Variants in NEGR1 observed in about 807,000 individuals in gnomAD.
The protein encoded by NEGR1 is IgLON family member 4.
Under a neutral mutation model 40.9 loss-of-function variants are expected in NEGR1, and 10 were observed. The ratio of observed to expected loss-of-function variants is 0.24; its 90% CI spans 0.15 to 0.42. The LOEUF (loss-of-function observed/expected upper bound fraction) is 0.42. Among genes scored for constraint, NEGR1 ranks in the 10% least tolerant of loss-of-function variants. The pLI is 1.00. For synonymous variants in NEGR1, 185 were observed against 166.8 expected, an observed-to-expected ratio of 1.11 and a Z score of -0.84; for missense variants, 352 against 438.9, an observed-to-expected ratio of 0.80 and a Z score of 1.77.
intron 1 of NEGR1, chr1:72,274,678 CTGAAAAAACCCAT>C (rs761791229): frequency 5.3e-5 from 50 of 941,026 alleles, no homozygotes; most frequent in Non-Finnish European, 8.3e-5. Context: ...TACCTATATG[CTGAAAAAACCCAT>C]TGAAGAAATC....
intron 4 of NEGR1, among the ~76,000 whole-genome samples, chr1:71,624,498 G>A (rs1475639474): frequency 1.3e-5 from 2 of 152,016 alleles, no homozygotes; most frequent in Non-Finnish European, 2.9e-5. Context: ...TCATTACAAT[G>A]GTTTATAAGT....
chr1:71,719,472 G>T (rs1177889360), intron 3 of NEGR1, among the ~76,000 whole-genome samples: 6 of 152,092 alleles, frequency 3.9e-5, no homozygotes, highest in Middle Eastern at 6.8e-3. Flanking sequence ...ATTCTTGGTG[G>T]ATCTAGAATT....
intron 1 of NEGR1, among the ~76,000 whole-genome samples, chr1:72,074,032 G>A (rs539886543): frequency 2.0e-5 from 3 of 152,016 alleles, no homozygotes; most frequent in Non-Finnish European, 4.4e-5. Context: ...TCAATTCTAT[G>A]ATACGCTATT....
intron 6 of NEGR1, among the ~76,000 whole-genome samples, chr1:71,472,241 T>A (rs750099175): frequency 1.3e-5 from 2 of 152,146 alleles, no homozygotes; most frequent in Non-Finnish European, 2.9e-5. Flanking sequence ...TGGAACGGTA[T>A]TGATTGAAAT....
At chr1:72,090,320 T>G (rs1648422750) in intron 1 of NEGR1, among the ~76,000 whole-genome samples, 1 of 148,508 alleles carries the variant, frequency 6.7e-6, no homozygotes, top group Admixed American at 6.7e-5. Flanking sequence ...CAGAAAAATA[T>G]CTAAAATTTT....
At chr1:71,532,805 G>A (rs1647395656) in intron 6 of NEGR1, among the ~76,000 whole-genome samples, 1 of 151,606 alleles carries the variant, frequency 6.6e-6, no homozygotes, top group Non-Finnish European at 1.5e-5. Flanking sequence ...ATAATGATGA[G>A]AAGGTCTTGT....
At chr1:71,633,852 T>C (rs1651055136) in intron 4 of NEGR1, among the ~76,000 whole-genome samples, 2 of 152,072 alleles carry the variant, frequency 1.3e-5, no homozygotes. Flanking sequence ...TGTGGAGTTA[T>C]TATCTTTTTT....
intron 1 of NEGR1, among the ~76,000 whole-genome samples, chr1:72,015,932 T>C (rs897150551): frequency 6.6e-5 from 10 of 152,064 alleles, no homozygotes; most frequent in Non-Finnish European, 1.3e-4. Flanking sequence ...GTCCTAAACA[T>C]GAACGCAAAT....
At chr1:72,206,548 C>T (rs1257229338) in intron 1 of NEGR1, among the ~76,000 whole-genome samples, 1 of 150,882 alleles carries the variant, frequency 6.6e-6, no homozygotes, top group African/African-American at 2.4e-5. Flanking sequence ...CTAACCTTGA[C>T]ATTGTACTTT....
At chr1:72,034,857 CG>C (rs1203022636) in intron 1 of NEGR1, among the ~76,000 whole-genome samples, 1 of 151,874 alleles carries the variant, frequency 6.6e-6, no homozygotes, top group Non-Finnish European at 1.5e-5. Context: ...ACCATTTTTT[CG>C]CTAACAGGAA....
intron 6 of NEGR1, chr1:71,468,809 C>T (rs942592785): frequency 6.6e-6 from 1 of 151,920 alleles, no homozygotes; most frequent in Non-Finnish European, 1.5e-5. Context: ...TTCCATTGGC[C>T]TGTATATGCA....
intron 1 of NEGR1, among the ~76,000 whole-genome samples, chr1:72,212,895 C>T (rs745355163): frequency 1.3e-5 from 2 of 151,622 alleles, no homozygotes; most frequent in African/African-American, 2.4e-5. Context: ...AGGAGATCAC[C>T]CTATGTGTCA....
intron 1 of NEGR1, among the ~76,000 whole-genome samples, chr1:72,109,053 C>A (rs1376476811): frequency 6.6e-6 from 1 of 151,504 alleles, no homozygotes; most frequent in East Asian, 1.9e-4. Flanking sequence ...AGGTGTAATT[C>A]TATTACCTTA....
At chr1:71,531,092 T>G (rs1410798643) in intron 6 of NEGR1, among the ~76,000 whole-genome samples, 1 of 151,268 alleles carries the variant, frequency 6.6e-6, no homozygotes. Flanking sequence ...TTAAGTAACC[T>G]GACTTGAATT....
intron 1 of NEGR1, among the ~76,000 whole-genome samples, chr1:72,147,621 C>T (rs79086124): frequency 0.034 from 5,216 of 152,120 alleles, 314 homozygotes; most frequent in African/African-American, 0.12. Flanking sequence ...CTTAGTATTT[C>T]AGCATTAATC....
intron 1 of NEGR1, among the ~76,000 whole-genome samples, chr1:72,088,874 A>T (rs1648341837): frequency 7.0e-6 from 1 of 142,554 alleles, no homozygotes. Context: ...TCAGTGGTGC[A>T]ATCTCAGCTC....
chr1:71,758,282 AATT>A (rs1457142081), intron 3 of NEGR1, among the ~76,000 whole-genome samples: 1 of 152,084 alleles, frequency 6.6e-6, no homozygotes, highest in Non-Finnish European at 1.5e-5. Context: ...GAGTATAAAT[AATT>A]ATTAGTTTTA....
At chr1:71,796,882 A>C (rs561094089) in intron 2 of NEGR1, among the ~76,000 whole-genome samples, 1 of 152,258 alleles carries the variant, frequency 6.6e-6, no homozygotes, top group Admixed American at 6.5e-5. Flanking sequence ...GCTCAGAAAG[A>C]CTTTTTAAAA....
At chr1:71,733,846 A>T (rs1169961508) in intron 3 of NEGR1, among the ~76,000 whole-genome samples, 2 of 152,166 alleles carry the variant, frequency 1.3e-5, no homozygotes, top group Admixed American at 1.3e-4. Context: ...AAATCCAAGA[A>T]ACTTGATGTG....
Sources: gnomAD v4.1 joint callset for allele counts (sites outside exome capture counted in the v4.1 genomes callset) on GRCh38, gnomAD v4.1.1 for gene constraint, MANE v1.5 for transcripts, NCBI Gene and HGNC (gene_info 2026-07-23, HGNC 2026-07-21) for gene names.